Variants in SAA4 observed in about 807,000 individuals in gnomAD.
SAA4 encodes the protein serum amyloid A-4 protein.
In SAA4, 8 loss-of-function variants were observed where a neutral mutation model predicts 11.2. The ratio of observed to expected loss-of-function variants is 0.71; its 90% CI spans 0.42 to 1.29. SAA4 has a LOEUF of 1.29. Ranked by LOEUF, SAA4 falls within the 50% of genes most tolerant of loss-of-function variation. The pLI is 0.01. For missense variants in SAA4, 171 were observed against 164.2 expected, an observed-to-expected ratio of 1.04 and a Z score of -0.23; for synonymous variants, 60 against 56.2, an observed-to-expected ratio of 1.07 and a Z score of -0.30.
In SAA4 at chr11:18,231,521, C is replaced by T; in HGVS notation, c.374G>A (p.Gly125Asp). 2 of 1,612,802 alleles carry T rather than the reference C, an allele frequency of 1.2e-6. No individual in the cohort carries two copies. The highest frequency in any genetic ancestry group is 1.7e-6 in the Non-Finnish European group (2 of 1,179,800). Reference protein sequence around the residue: ...GKDPDRFRPDGLPKKY With the variant: ...GKDPDRFRPDDLPKKY ...GGAAGCTCAGTATTTCTTAGGCAGG[C>T]CGTCAGGTCTGAAGCGGTCGGGGTC... The change falls in exon 4 of 4, where the codon GGC (glycine) becomes GAC (aspartate). Residue 125 changes from glycine to aspartate, a missense_variant. By Grantham distance (94) the Gly-to-Asp change is moderately conservative. Coordinates refer to ENST00000278222, the MANE Select transcript of SAA4 (RefSeq NM_006512.4).
chr11:18,235,200 C>T (rs1857191399), intron 2 of SAA4, among the ~76,000 whole-genome samples: 1 of 152,038 alleles, frequency 6.6e-6, no homozygotes, highest in Non-Finnish European at 1.5e-5. Flanking sequence ...AAATTAATAA[C>T]AACACATGAA....
chr11:18,231,816 A>C (rs553634026), intron 3 of SAA4, 152 bp from the exon 4 acceptor site: 25 of 987,004 alleles, frequency 2.5e-5, no homozygotes, highest in Non-Finnish European at 3.6e-5. Flanking sequence ...AAAACTATCA[A>C]TCTTCTTGGG....
rs1404998600 is a variant in SAA4, at chr11:18,231,428, C to G, written c.*74G>C. 1 of 1,562,766 alleles carries G rather than the reference C, an allele frequency of 6.4e-7. No homozygotes were observed. The highest frequency in any genetic ancestry group is 1.4e-5 in the African/African-American group (1 of 73,076). Reference sequence around the variant, plus strand: ...TTCCTGGGGACACAAAGCTCAGTGACCCTGTGTCCCTGTCTGGGGGGAGAA... The same window carrying G: ...TTCCTGGGGACACAAAGCTCAGTGAGCCTGTGTCCCTGTCTGGGGGGAGAA... On this transcript the variant is annotated 3_prime_UTR_variant, in exon 4 of 4. Coordinates refer to ENST00000278222, the MANE Select transcript of SAA4 (RefSeq NM_006512.4).
At chr11:18,232,996 T>A (rs866882628) in intron 2 of SAA4, among the ~76,000 whole-genome samples, 1 of 152,176 alleles carries the variant, frequency 6.6e-6, no homozygotes, top group Non-Finnish European at 1.5e-5. Context: ...AGGGACTTGG[T>A]GAGAAGAGGA....
chr11:18,231,468 G>A lies in SAA4; in HGVS notation c.*34C>T. 6.2e-7 allele frequency: 1 copy of A among 1,600,284 alleles called. No homozygotes were observed. Among genetic ancestry groups the A allele is most frequent in the Non-Finnish European group, 8.5e-7 (1 of 1,174,768 alleles). ...TGGGGGGAGAAGTGTGTGGCTCACA[G>A]CCCAGTTTCCCTGAGAGCAGAGGAG... On this transcript the variant is annotated 3_prime_UTR_variant, in exon 4 of 4. Transcript: ENST00000278222.
At chr11:18,234,673 T>C (rs1271000172) in intron 2 of SAA4, among the ~76,000 whole-genome samples, 1 of 152,218 alleles carries the variant, frequency 6.6e-6, no homozygotes, top group East Asian at 1.9e-4. Flanking sequence ...ACTTCATGTA[T>C]TATTTTGTGT....
chr11:18,234,684 C>T (rs1435969580), intron 2 of SAA4, among the ~76,000 whole-genome samples: 1 of 152,184 alleles, frequency 6.6e-6, no homozygotes, highest in Admixed American at 6.5e-5. Flanking sequence ...TATTTTGTGT[C>T]TGTAATTTTG....
chr11:18,232,644 G>T, intron 2 of SAA4, 111 bp from the exon 3 acceptor site: 2 of 1,460,430 alleles, frequency 1.4e-6, no homozygotes, highest in Non-Finnish European at 1.8e-6. Flanking sequence ...ATAATCCTTT[G>T]AAATCATACG....
At chr11:18,235,952 G>T (rs771847897) in intron 1 of SAA4, 22 bp from the exon 2 acceptor site, 2 of 1,569,852 alleles carry the variant, frequency 1.3e-6, no homozygotes, top group Non-Finnish European at 1.7e-6. Flanking sequence ...GAAAGACAGG[G>T]GCAGAGGATC....
chr11:18,232,329 C>T (rs1169305290), intron 3 of SAA4, 66 bp downstream of exon 3: 1 of 1,573,900 alleles, frequency 6.4e-7, no homozygotes. Flanking sequence ...GCCACAGGTT[C>T]TCCTGACTCT....
At chr11:18,232,670 C>T in intron 2 of SAA4, 137 bp from the exon 3 acceptor site, 1 of 1,308,794 alleles carries the variant, frequency 7.6e-7, no homozygotes, top group South Asian at 1.5e-5. Context: ...ATAAACATTA[C>T]TTCCTGTGAA....
At chr11:18,233,740 C>T (rs1857169036) in intron 2 of SAA4, among the ~76,000 whole-genome samples, 2 of 150,648 alleles carry the variant, frequency 1.3e-5, no homozygotes, top group Non-Finnish European at 2.9e-5. Context: ...GTCTCAAACT[C>T]CTGGCCTCAA....
chr11:18,235,704 C>G, intron 2 of SAA4, 132 bp downstream of exon 2: 2 of 831,366 alleles, frequency 2.4e-6, no homozygotes, highest in Non-Finnish European at 3.8e-6. Flanking sequence ...GAGGAAGAAA[C>G]AGATACAGAA....
At chr11:18,235,733 A>G in intron 2 of SAA4, 103 bp downstream of exon 2, 1 of 1,126,754 alleles carries the variant, frequency 8.9e-7, no homozygotes. Flanking sequence ...TCCTGCTCTG[A>G]CCTCTGTGTG....
intron 3 of SAA4, among the ~76,000 whole-genome samples, chr11:18,231,876 C>CTTTTT (rs35974284): frequency 5.7e-5 from 4 of 70,706 alleles, no homozygotes; most frequent in Admixed American, 2.1e-4. Flanking sequence ...AGTGCTTTCC[C>CTTTTT]TTTTTTTTTT....
chr11:18,231,521 C>A lies in SAA4; in HGVS notation c.374G>T (p.Gly125Val), dbSNP rs1424036084. 9 of 1,612,684 alleles carry A rather than the reference C, an allele frequency of 5.6e-6. No homozygotes were observed. Among genetic ancestry groups the A allele is most frequent in the Non-Finnish European group, 7.6e-6 (9 of 1,179,808 alleles). ...GGAAGCTCAGTATTTCTTAGGCAGG[C>A]CGTCAGGTCTGAAGCGGTCGGGGTC... ...GKDPDRFRPD[G>V]LPKKY The change falls in exon 4 of 4, where the codon GGC becomes GTC. Residue 125 changes from glycine (G) to valine (V), a missense_variant. Physicochemically the swap from Gly to Val is moderately radical, Grantham distance 109. Coordinates refer to ENST00000278222, the MANE Select transcript of SAA4 (RefSeq NM_006512.4).
chr11:18,236,616 T>C, intron 1 of SAA4, 101 bp downstream of exon 1: 1 of 152,172 alleles, frequency 6.6e-6, no homozygotes, highest in East Asian at 1.9e-4. Flanking sequence ...CGTAATGAGG[T>C]AGAAAACACA....
chr11:18,231,774 G>A (rs1229289201), intron 3 of SAA4, 110 bp from the exon 4 acceptor site: 2 of 1,373,974 alleles, frequency 1.5e-6, no homozygotes, highest in East Asian at 2.4e-5. Context: ...TAATGACTGA[G>A]AGGAGGCTGG....
At chr11:18,231,801 G>A in intron 3 of SAA4, 137 bp from the exon 4 acceptor site, 1 of 1,113,030 alleles carries the variant, frequency 9.0e-7, no homozygotes, top group Non-Finnish European at 1.2e-6. Context: ...CAAGGAAAGG[G>A]GAAGAAAACT....
Sources: gnomAD v4.1 joint callset for allele counts (sites outside exome capture counted in the v4.1 genomes callset) on GRCh38, gnomAD v4.1.1 for gene constraint, MANE v1.5 for transcripts, NCBI Gene and HGNC (gene_info 2026-07-23, HGNC 2026-07-21) for gene names.